The following EPHA3 variants were observed in gnomAD, a reference collection of about 807,000 sequenced individuals.
EPHA3 encodes the protein ephrin type-A receptor 3.
EPHA3 carries 42 observed loss-of-function variants against 107.1 expected under a neutral mutation model. The observed-to-expected ratio is 0.39, with a 90% CI of 0.31 to 0.51. The LOEUF (loss-of-function observed/expected upper bound fraction) is 0.51, where lower values mean the gene tolerates loss of function less well. Among genes scored for constraint, EPHA3 ranks in the 20% least tolerant of loss-of-function variants. EPHA3 has a pLI of 0.78. For synonymous variants in EPHA3, 461 were observed against 424.8 expected (o/e 1.09, Z -1.05); for missense variants, 1,183 against 1,211.2 (o/e 0.98, Z 0.35).
At chr3:89,420,894 A>G (rs530802067) in intron 11 of EPHA3, among the ~76,000 whole-genome samples, 2 of 151,608 alleles carry the variant, frequency 1.3e-5, no homozygotes, top group East Asian at 3.9e-4. Flanking sequence ...TGCCCACATT[A>G]TACTATGACA....
rs182066181 is a variant in EPHA3, at chr3:89,123,199, C to T, written c.89-4010C>T. Among the ~76,000 whole-genome samples the T allele has an allele frequency of 1.5e-3, 228 of 152,302 alleles. 2 individuals carry two copies. The highest frequency in any genetic ancestry group is 1.7e-3 in the East Asian group (9 of 5,180). On this transcript the variant is annotated intron_variant, in intron 1 of 16. Coordinates refer to ENST00000336596, the MANE Select transcript of EPHA3 (RefSeq NM_005233.6). ...TCGCTCTGTTTCCCAGGCTGCATTGCGGTGGCGCAATCTCGGCTCACTGCA... is the reference window on the plus strand; with the variant it reads ...TCGCTCTGTTTCCCAGGCTGCATTGTGGTGGCGCAATCTCGGCTCACTGCA...
At chr3:89,193,120 T>C (rs1705757709) in intron 2 of EPHA3, among the ~76,000 whole-genome samples, 2 of 152,072 alleles carry the variant, frequency 1.3e-5, no homozygotes, top group African/African-American at 2.4e-5. Flanking sequence ...AATATAATAT[T>C]TGAAACCACA....
chr3:89,433,089 A>T (rs2107539046), intron 13 of EPHA3, among the ~76,000 whole-genome samples: 1 of 152,222 alleles, frequency 6.6e-6, no homozygotes, highest in African/African-American at 2.4e-5. Context: ...GGATATTTCT[A>T]TAGAATTAAC....
At chr3:89,301,599 A>T (rs1180755533) in intron 3 of EPHA3, among the ~76,000 whole-genome samples, 1 of 152,130 alleles carries the variant, frequency 6.6e-6, no homozygotes, top group Non-Finnish European at 1.5e-5. Context: ...AACTATTTTC[A>T]CAGAATAATT....
chr3:89,243,551 T>G (rs550150560), intron 3 of EPHA3, among the ~76,000 whole-genome samples: 1 of 152,364 alleles, frequency 6.6e-6, no homozygotes, highest in East Asian at 1.9e-4. Context: ...CATAAATATC[T>G]TCTTTTGAGA....
intron 3 of EPHA3, among the ~76,000 whole-genome samples, chr3:89,282,624 C>T (rs1272329405): frequency 1.3e-5 from 2 of 151,900 alleles, no homozygotes; most frequent in South Asian, 2.1e-4. Flanking sequence ...TGTTTTCCCC[C>T]GTATTTTTAT....
At chr3:89,129,896 T>G (rs763467560) in intron 2 of EPHA3, among the ~76,000 whole-genome samples, 1 of 152,148 alleles carries the variant, frequency 6.6e-6, no homozygotes, top group Admixed American at 6.5e-5. Flanking sequence ...TTTTTCAAAT[T>G]AATTAACTCT....
At chr3:89,283,549 C>A (rs1446707893) in intron 3 of EPHA3, among the ~76,000 whole-genome samples, 1 of 152,126 alleles carries the variant, frequency 6.6e-6, no homozygotes, top group Non-Finnish European at 1.5e-5. Flanking sequence ...TCTCAATATG[C>A]ATTTCCCAAC....
chr3:89,369,984 A>G (rs1293841331), intron 5 of EPHA3, among the ~76,000 whole-genome samples: 1 of 150,570 alleles, frequency 6.6e-6, no homozygotes, highest in Non-Finnish European at 1.5e-5. Flanking sequence ...TTAGAATGGC[A>G]ATCATTAAAA....
intron 2 of EPHA3, among the ~76,000 whole-genome samples, chr3:89,158,413 T>C (rs376247876): frequency 3.9e-5 from 6 of 152,234 alleles, no homozygotes; most frequent in Admixed American, 1.3e-4. Flanking sequence ...TGGGGCTTTC[T>C]TTTACACTGT....
At chr3:89,190,862 G>A (rs1347368121) in intron 2 of EPHA3, among the ~76,000 whole-genome samples, 2 of 151,544 alleles carry the variant, frequency 1.3e-5, no homozygotes, top group Non-Finnish European at 2.9e-5. Context: ...TTCTTATAAG[G>A]CCTCCGTAGT....
At chr3:89,444,017 G>A (rs7637670) in intron 13 of EPHA3, among the ~76,000 whole-genome samples, 68,201 of 151,934 alleles carry the variant, frequency 0.45, 16,702 homozygotes, top group African/African-American at 0.63. Context: ...TTGAATGCCT[G>A]CACTGCACAT....
chr3:89,141,176 A>C (rs568715404), intron 2 of EPHA3, among the ~76,000 whole-genome samples: 2 of 151,724 alleles, frequency 1.3e-5, no homozygotes, highest in African/African-American at 4.8e-5. Context: ...GAAATCTTAA[A>C]GTTTAGTGGA....
intron 7 of EPHA3, among the ~76,000 whole-genome samples, chr3:89,404,218 AT>A (rs1709014053): frequency 6.6e-6 from 1 of 152,204 alleles, no homozygotes; most frequent in Non-Finnish European, 1.5e-5. Context: ...AAATTTCTAT[AT>A]AAAAATTAGG....
At chr3:89,350,485 T>C (rs1310660772) in intron 5 of EPHA3, among the ~76,000 whole-genome samples, 3 of 151,274 alleles carry the variant, frequency 2.0e-5, no homozygotes, top group Admixed American at 1.3e-4. Flanking sequence ...TTTAAGCACT[T>C]CTCTGTATTG....
intron 3 of EPHA3, among the ~76,000 whole-genome samples, chr3:89,331,090 T>C (rs759134407): frequency 6.6e-6 from 1 of 152,148 alleles, no homozygotes; most frequent in Non-Finnish European, 1.5e-5. Flanking sequence ...TATGCAGATG[T>C]TTGCCCCACA....
At position 89,289,238 on chromosome 3, in the gene EPHA3, G is replaced by A. The variant is rs928078830; in HGVS notation, c.815-51678G>A. ...TTTTCTGTATCTGATTTCCTTCAGC[G>A]TGGAGGATCTCAGCTAGCAGAGAGA... On this transcript the variant is annotated intron_variant, in intron 3 of 16. Transcript: ENST00000336596. Among the ~76,000 whole-genome samples, 20 of 152,154 alleles carry A rather than the reference G, an allele frequency of 1.3e-4. No homozygotes were observed. In the East Asian group the frequency reaches 1.4e-3, roughly 10 times the overall value.
At chr3:89,114,337 C>A (rs1277702434) in intron 1 of EPHA3, among the ~76,000 whole-genome samples, 1 of 152,162 alleles carries the variant, frequency 6.6e-6, no homozygotes, top group Non-Finnish European at 1.5e-5. Context: ...TTGCTGCCAC[C>A]ACACCCACCA....
chr3:89,468,670 G>A (rs1372578223), intron 15 of EPHA3, among the ~76,000 whole-genome samples: 1 of 152,106 alleles, frequency 6.6e-6, no homozygotes, highest in Non-Finnish European at 1.5e-5. Context: ...GGTTTCACAT[G>A]ATTTTTCTTC....
Sources: gnomAD v4.1 joint callset for allele counts (sites outside exome capture counted in the v4.1 genomes callset) on GRCh38, gnomAD v4.1.1 for gene constraint, MANE v1.5 for transcripts, NCBI Gene and HGNC (gene_info 2026-07-23, HGNC 2026-07-21) for gene names.